ABLIM1: variants seen among roughly 807,000 people sequenced by gnomAD.
ABLIM1 encodes the protein actin binding LIM protein 1, also known as actin-binding LIM protein 1.
ABLIM1 carries 40 observed loss-of-function variants against 107.0 expected under a neutral mutation model. The observed-to-expected ratio is 0.37, with a 90% CI of 0.29 to 0.49. ABLIM1 has a LOEUF of 0.49. ABLIM1 is among the 20% of genes least tolerant of loss of function. ABLIM1 has a pLI of 0.97. For synonymous variants in ABLIM1, 357 were observed against 357.3 expected (o/e 1.00, Z 0.01); for missense variants, 857 against 1,008.5 (o/e 0.85, Z 2.04).
intron 2 of ABLIM1, among the ~76,000 whole-genome samples, chr10:114,587,517 C>A (rs2074325936): frequency 6.6e-6 from 1 of 152,120 alleles, no homozygotes; most frequent in South Asian, 2.1e-4. Flanking sequence ...TATAAAACTA[C>A]TTCCATTTTT....
chr10:114,640,643 G>A (rs1038096515), intron 1 of ABLIM1, among the ~76,000 whole-genome samples: 1 of 152,164 alleles, frequency 6.6e-6, no homozygotes, highest in Non-Finnish European at 1.5e-5. Flanking sequence ...TAACATCTAT[G>A]ACCCGTGTAA....
intron 1 of ABLIM1, among the ~76,000 whole-genome samples, chr10:114,712,081 G>C (rs531489663): frequency 6.6e-6 from 1 of 151,950 alleles, no homozygotes; most frequent in Non-Finnish European, 1.5e-5. Flanking sequence ...GGCTGGGCTC[G>C]GTGACTCACA....
chr10:114,554,524 C>T (rs759804417), intron 4 of ABLIM1, among the ~76,000 whole-genome samples: 14 of 152,086 alleles, frequency 9.2e-5, no homozygotes, highest in Non-Finnish European at 1.9e-4. Context: ...TAGTGAGACC[C>T]CCGTCTCTAC....
chr10:114,524,451 A>G (rs2475240), intron 6 of ABLIM1, among the ~76,000 whole-genome samples: 109,892 of 151,680 alleles, frequency 0.72, 39,962 homozygotes, highest in African/African-American at 0.79. Flanking sequence ...AAAAATCAAA[A>G]CAGTTTGAGA....
intron 1 of ABLIM1, among the ~76,000 whole-genome samples, chr10:114,698,166 G>T (rs2081234428): frequency 6.6e-6 from 1 of 151,890 alleles, no homozygotes; most frequent in Admixed American, 6.6e-5. Context: ...GATAATTTAA[G>T]CAACAGAAGA....
At chr10:114,730,578 G>T (rs935786552) in intron 1 of ABLIM1, among the ~76,000 whole-genome samples, 5 of 151,954 alleles carry the variant, frequency 3.3e-5, no homozygotes, top group African/African-American at 2.4e-5. Context: ...CAAGTATATG[G>T]ATCTTTAAAG....
intron 1 of ABLIM1, among the ~76,000 whole-genome samples, chr10:114,652,308 C>T (rs908547894): frequency 1.3e-5 from 2 of 151,966 alleles, no homozygotes; most frequent in African/African-American, 4.8e-5. Flanking sequence ...TCTGGGGTTG[C>T]GGATTAGTGA....
At chr10:114,481,505 C>T (rs1021003531) in intron 8 of ABLIM1, among the ~76,000 whole-genome samples, 2 of 151,918 alleles carry the variant, frequency 1.3e-5, no homozygotes, top group African/African-American at 2.4e-5. Flanking sequence ...TTGAAGTTCA[C>T]TAGACAAGGT....
intron 1 of ABLIM1, among the ~76,000 whole-genome samples, chr10:114,762,870 T>C (rs2082781105): frequency 6.6e-6 from 1 of 152,218 alleles, no homozygotes; most frequent in Non-Finnish European, 1.5e-5. Context: ...AATAACTGTG[T>C]AATAGTCCAC....
At chr10:114,458,156 A>G (rs2063188838) in intron 12 of ABLIM1, among the ~76,000 whole-genome samples, 2 of 151,896 alleles carry the variant, frequency 1.3e-5, no homozygotes, top group Non-Finnish European at 2.9e-5. Context: ...TATATATCAC[A>G]CTCATAGCTA....
intron 9 of ABLIM1, 73 bp downstream of exon 9, chr10:114,473,806 A>G (rs2067039508): frequency 8.4e-7 from 1 of 1,196,410 alleles, no homozygotes; most frequent in South Asian, 1.4e-5. Flanking sequence ...TTTGTTTTGG[A>G]TTACCCATTC....
intron 2 of ABLIM1, 99 bp from the exon 3 acceptor site, chr10:114,575,698 A>C: frequency 3.1e-4 from 262 of 840,920 alleles, no homozygotes; most frequent in Non-Finnish European, 3.6e-4. Context: ...CTGTGATCTC[A>C]ATGGTTTGGG....
At chr10:114,798,134 C>G in the ABLIM1 span, among the ~76,000 whole-genome samples, 13 of 152,092 alleles carry the variant, frequency 8.5e-5, no homozygotes, top group African/African-American at 3.1e-4. Context: ...TAATAATGTG[C>G]TATTGGCCGG....
intron 7 of ABLIM1, among the ~76,000 whole-genome samples, chr10:114,491,012 G>GTGTGTGTGTGTGTGTATATATATATATA: frequency 2.0e-3 from 184 of 92,308 alleles, no homozygotes; most frequent in African/African-American, 7.3e-3. Flanking sequence ...GTGTGTGTGT[G>GTGTGTGTGTGTGTGTATATATATATATA]TATATATATA....
chr10:114,485,305 A>G, intron 8 of ABLIM1: 2 of 1,611,338 alleles, frequency 1.2e-6, no homozygotes, highest in Non-Finnish European at 1.7e-6. Context: ...ACCTGCAGAG[A>G]CGGAGACCGT....
chr10:114,690,571 G>T, intron 1 of ABLIM1: 1 of 1,029,424 alleles, frequency 9.7e-7, no homozygotes, highest in Non-Finnish European at 1.5e-6. Flanking sequence ...TCTGCAAACA[G>T]CTCAAAGGAG....
chr10:114,466,349 C>T, intron 11 of ABLIM1, among the ~76,000 whole-genome samples: 1 of 152,192 alleles, frequency 6.6e-6, no homozygotes, highest in Admixed American at 6.5e-5. Context: ...ACATATAAAC[C>T]TTAATAGAGA....
chr10:114,699,444 G>A (rs2081264150), intron 1 of ABLIM1, among the ~76,000 whole-genome samples: 1 of 151,890 alleles, frequency 6.6e-6, no homozygotes, highest in Non-Finnish European at 1.5e-5. Context: ...AAGCATAAAA[G>A]TTAGATTTAA....
chr10:114,677,615 G>T (rs2080545810), intron 1 of ABLIM1, among the ~76,000 whole-genome samples: 1 of 151,930 alleles, frequency 6.6e-6, no homozygotes, highest in South Asian at 2.1e-4. Flanking sequence ...TCTACCAAAA[G>T]ATACAAAAAA....
Sources: gnomAD v4.1 joint callset for allele counts (sites outside exome capture counted in the v4.1 genomes callset) on GRCh38, gnomAD v4.1.1 for gene constraint, MANE v1.5 for transcripts, NCBI Gene and HGNC (gene_info 2026-07-23, HGNC 2026-07-21) for gene names.